Variants in PLOD1 observed in about 807,000 individuals in gnomAD.
PLOD1 encodes the protein lysine hydroxylase.
Under a neutral mutation model 94.7 loss-of-function variants are expected in PLOD1, and 70 were observed. The observed-to-expected ratio is 0.74, with a 90% CI of 0.61 to 0.90. The LOEUF is 0.90. Among genes scored for constraint, PLOD1 ranks in the 40% least tolerant of loss-of-function variants. The probability of loss-of-function intolerance (pLI) is 0.00; values close to 1 mark genes in which losing one functional copy is unlikely to be tolerated. For missense variants in PLOD1, 905 were observed against 972.7 expected, an observed-to-expected ratio of 0.93 and a Z score of 0.93; for synonymous variants, 417 against 400.2, an observed-to-expected ratio of 1.04 and a Z score of -0.50.
intron 9 of PLOD1, among the ~76,000 whole-genome samples, chr1:11,959,030 C>A (rs1390994926): frequency 6.6e-6 from 1 of 151,964 alleles, no homozygotes; most frequent in Non-Finnish European, 1.5e-5. Flanking sequence ...CATGGTGAAA[C>A]CCTGCCTCTA....
At chr1:11,946,795 C>T (rs116837743) in intron 1 of PLOD1, among the ~76,000 whole-genome samples, 5,957 of 152,218 alleles carry the variant, frequency 0.039, 270 homozygotes, top group African/African-American at 0.11. Flanking sequence ...TAAAGAAGTA[C>T]CCGTGGCTGG....
chr1:11,937,287 G>A (rs2100731890), intron 1 of PLOD1, among the ~76,000 whole-genome samples: 1 of 152,336 alleles, frequency 6.6e-6, no homozygotes, highest in East Asian at 1.9e-4. Context: ...ACTACCTCAC[G>A]CCTGGAGCTC....
chr1:11,970,795 C>T lies in PLOD1; in HGVS notation c.1881C>T (p.Leu627=). ...LEYIAPMTEK[L]YPGYYTRAQF... ...ACATTGCGCCCATGACGGAGAAGCT[C>T]TACCCCGGCTACTACACCAGGGTGG... Residue 627 remains leucine, a synonymous_variant, in exon 17 of 19, where the codon CTC becomes CTT. Coordinates refer to ENST00000196061, the MANE Select transcript of PLOD1 (RefSeq NM_000302.4). The T allele has an allele frequency of 6.2e-7, 1 of 1,608,390 alleles. No individual in the cohort carries two copies. The highest frequency in any genetic ancestry group is 8.5e-7 in the Non-Finnish European group (1 of 1,178,998).
Position 11,957,949 on chromosome 1 carries a change from G to C in PLOD1, c.843+6G>C, listed in dbSNP as rs1302203317. ...GCAGCCTCAAGGGCATTGGGGTGAG[G>C]CTGCGCCCAGGCCTGTGCCTGAGGG... On this transcript the variant is annotated splice_donor_region_variant and intron_variant, in intron 8 of 18. Coordinates refer to ENST00000196061, the MANE Select transcript of PLOD1 (RefSeq NM_000302.4). This position sits in a 1 kb window ranked among gnomAD's most constrained non-coding sequence, Gnocchi z 4.1. The C allele has an allele frequency of 6.3e-7, 1 of 1,591,558 alleles. No homozygotes were observed.
At chr1:11,951,628 A>G (rs1006949724) in intron 4 of PLOD1, among the ~76,000 whole-genome samples, 1 of 146,494 alleles carries the variant, frequency 6.8e-6, no homozygotes, top group Non-Finnish European at 1.5e-5. Flanking sequence ...AATTTATATA[A>G]TATATATAAT....
In PLOD1 at chr1:11,957,872, C is replaced by G; in HGVS notation, c.772C>G (p.Pro258Ala). 6.2e-7 allele frequency: 1 copy of G among 1,614,128 alleles called. No homozygotes were observed. The highest frequency in any genetic ancestry group is 2.2e-5 in the East Asian group (1 of 44,878). Residue 258 changes from proline to alanine, a missense_variant, in exon 8 of 19, where the codon CCG becomes GCG. Pro to Ala is a conservative substitution (Grantham distance 27). Transcript: ENST00000196061. The surrounding 1 kb of genome is among the most constrained non-coding windows in gnomAD (Gnocchi z 4.1). Reference sequence around the variant, plus strand: ...GTTGAACTACCTGGGCAACTACATCCCGCGCTTCTGGACCTTCGAAACAGG... The same window carrying G: ...GTTGAACTACCTGGGCAACTACATCGCGCGCTTCTGGACCTTCGAAACAGG... ...LQLNYLGNYI[P>A]RFWTFETGCT...
At chr1:11,954,781 C>T (rs1645726525) in intron 5 of PLOD1, 49 bp from the exon 6 acceptor site, 1 of 1,400,920 alleles carries the variant, frequency 7.1e-7, no homozygotes, top group African/African-American at 1.4e-5. Context: ...TAGCCCCAGC[C>T]TCCCCCAGGG....
In PLOD1 at chr1:11,934,853, A is replaced by C. The variant is rs774044489; in HGVS notation, c.74A>C (p.Glu25Ala). The C allele has an allele frequency of 5.2e-6, 8 of 1,537,184 alleles. No individual in the cohort carries two copies. The South Asian group carries it at 8.4e-5, about 16-fold the overall frequency. Residue 25 changes from glutamate (E) to alanine (A), a missense_variant and splice_region_variant, in exon 1 of 19, where the codon GAG becomes GCG. Physicochemically the swap from Glu to Ala is moderately radical, Grantham distance 107 (BLOSUM62 -1). Transcript: ENST00000196061. The part of the protein sequence containing the change: ...LAEAKGDAKP[E>A]DNLLVLTVAT... ...GAAGCGAAGGGCGACGCCAAGCCGG[A>C]GGGTGAGGGAGCGAAGGCCGGGGGC...
intron 5 of PLOD1, 30 bp downstream of exon 5, chr1:11,952,765 G>A: frequency 6.6e-7 from 1 of 1,504,772 alleles, no homozygotes. Context: ...CCAAGGAGAG[G>A]GGGCTGGGGA....
chr1:11,950,276 C>A (rs147731528), intron 3 of PLOD1, 81 bp from the exon 4 acceptor site: 447 of 1,383,550 alleles, frequency 3.2e-4, no homozygotes, highest in Non-Finnish European at 4.3e-4. Flanking sequence ...AGCACTTGAT[C>A]CCTGGTCCCT....
intron 16 of PLOD1, among the ~76,000 whole-genome samples, chr1:11,967,657 T>TAAAGAAATATATATAG (rs1645831051): frequency 5.7e-5 from 6 of 105,400 alleles, no homozygotes; most frequent in African/African-American, 1.7e-4. Context: ...TATATATATA[T>TAAAGAAATATATATAG]ATTTTTTTTA....
intron 15 of PLOD1, 74 bp downstream of exon 15, chr1:11,966,390 G>T (rs1645818038): frequency 9.1e-7 from 1 of 1,100,806 alleles, no homozygotes; most frequent in South Asian, 1.3e-5. Context: ...GAAACTGCTT[G>T]CCCTGGGGAG....
rs1441530041 is a variant in PLOD1 at position 11,948,010 on chromosome 1, G to T, written c.111G>T (p.Glu37Asp). ...TAGTCCTCACGGTGGCCACTAAGGAGACCGAGGGATTCCGTCGCTTCAAGC... is the reference window on the plus strand; with the variant it reads ...TAGTCCTCACGGTGGCCACTAAGGATACCGAGGGATTCCGTCGCTTCAAGC... The part of the protein sequence containing the change: ...NLLVLTVATK[E>D]TEGFRRFKRS... Residue 37 changes from glutamate (E) to aspartate (D), a missense_variant, in exon 2 of 19, where the codon GAG (glutamate) becomes GAT (aspartate). Coordinates refer to ENST00000196061, the MANE Select transcript of PLOD1 (RefSeq NM_000302.4). 2 of 1,613,896 alleles carry T rather than the reference G, an allele frequency of 1.2e-6. No individual in the cohort carries two copies. Among genetic ancestry groups the T allele is most frequent in the Non-Finnish European group, 1.7e-6 (2 of 1,179,796 alleles).
rs142474801 is a variant in PLOD1, at chr1:11,964,566, C to T, written c.1329-78C>T. 3.2e-3 allele frequency: 4,613 copies of T among 1,449,478 alleles called. 16 individuals carry two copies. Among genetic ancestry groups the T allele is most frequent in the Middle Eastern group, 0.015 (83 of 5,724 alleles). The allele number at this position is 1,449,478 out of a possible 1,614,324, so 89.8% of individuals were successfully genotyped here. A position where few individuals can be genotyped will look rare whatever the true frequency, so the allele number is the denominator to read the frequency against. The stretch of plus-strand genomic sequence containing the variant: ...CACCCAGACTCCAGGCTATGACTCC[C>T]CACCACCACCCTGTGACCCCCTCCA... On this transcript the variant is annotated intron_variant, in intron 12 of 18. Coordinates refer to ENST00000196061, the MANE Select transcript of PLOD1 (RefSeq NM_000302.4).
intron 5 of PLOD1, among the ~76,000 whole-genome samples, chr1:11,953,444 T>TTAC (rs1479273379): frequency 2.0e-5 from 3 of 152,090 alleles, no homozygotes; most frequent in African/African-American, 7.2e-5. Context: ...AGCTCACCAT[T>TTAC]TACTAGCTGT....
chr1:11,968,096 G>A (rs1278641636), intron 16 of PLOD1, among the ~76,000 whole-genome samples: 1 of 151,766 alleles, frequency 6.6e-6, no homozygotes, highest in East Asian at 1.9e-4. Context: ...TGGGACTACA[G>A]GCGTGTGCCA....
chr1:11,955,456 G>A (rs1486147484), intron 6 of PLOD1, among the ~76,000 whole-genome samples: 1 of 152,140 alleles, frequency 6.6e-6, no homozygotes, highest in Non-Finnish European at 1.5e-5. Flanking sequence ...GAAGTGAACC[G>A]GATCCACTGA....
Position 11,972,653 on chromosome 1 carries a change from C to T in PLOD1, c.1903-219C>T. ...TTTCTTCCTTCCCCTCTGTTCTCTT[C>T]CTTCCCTCCCTCTCTCCCCTCTGTC... On this transcript the variant is annotated intron_variant, in intron 17 of 18. Transcript: ENST00000196061. The surrounding 1 kb of genome is among the most constrained non-coding windows in gnomAD (Gnocchi z 4.6). The T allele has an allele frequency of 2.1e-6, 1 of 469,708 alleles. No homozygotes were observed. The highest frequency in any genetic ancestry group is 4.0e-6 in the Non-Finnish European group (1 of 252,070). 29.1% of individuals were successfully genotyped at this position (469,708 alleles called of 1,614,324 possible). A position where few individuals can be genotyped will look rare whatever the true frequency, so the allele number is the denominator to read the frequency against.
intron 16 of PLOD1, among the ~76,000 whole-genome samples, chr1:11,969,278 C>T (rs932964248): frequency 1.3e-5 from 2 of 152,050 alleles, no homozygotes; most frequent in African/African-American, 4.8e-5. Flanking sequence ...CGTGAGCCAC[C>T]GTGCCTGGCC....
Sources: allele counts gnomAD v4.1 joint callset (sites outside exome capture counted in the v4.1 genomes callset), GRCh38; gene constraint gnomAD v4.1.1; non-coding constraint Gnocchi (gnomAD v3.1); transcripts MANE v1.5; gene names NCBI Gene and HGNC (gene_info 2026-07-23, HGNC 2026-07-21).